PLPPR2: variants seen among roughly 807,000 people sequenced by gnomAD.
PLPPR2 encodes the protein phospholipid phosphatase-related protein type 2.
A neutral mutation model predicts 40.3 loss-of-function variants in PLPPR2; 11 were observed. The ratio of observed to expected loss-of-function variants is 0.27; its 90% CI spans 0.17 to 0.45. The LOEUF (loss-of-function observed/expected upper bound fraction) is 0.45, where lower values mean the gene tolerates loss of function less well. Ranked by LOEUF, PLPPR2 falls within the 20% of genes least tolerant of loss-of-function variation. The pLI is 1.00. For missense variants in PLPPR2, 497 were observed against 640.7 expected, an observed-to-expected ratio of 0.78 and a Z score of 2.42; for synonymous variants, 260 against 290.8, an observed-to-expected ratio of 0.89 and a Z score of 1.08.
chr19:11,358,668 T>G (rs1278948288), intron 3 of PLPPR2, among the ~76,000 whole-genome samples: 1 of 110,708 alleles, frequency 9.0e-6, no homozygotes, highest in Non-Finnish European at 1.8e-5. Flanking sequence ...TCTCTCTCTG[T>G]TTTTTTTTTT....
At chr19:11,360,023 C>T in intron 5 of PLPPR2, 67 bp downstream of exon 5, 1 of 1,505,956 alleles carries the variant, frequency 6.6e-7, no homozygotes, top group Non-Finnish European at 8.9e-7. Context: ...AGAAAAGAGT[C>T]ATGGGCCTGA....
At position 11,362,623 on chromosome 19, in the gene PLPPR2, G is replaced by A; in HGVS notation, c.774G>A (p.Glu258=). The A allele has an allele frequency of 1.2e-6, 2 of 1,613,878 alleles. No homozygotes were observed. Among genetic ancestry groups the A allele is most frequent in the African/African-American group, 1.3e-5 (1 of 75,082 alleles). ...AFLVGVVRVA[E]YRNHWSDVLA... is the part of the protein sequence containing the mutation. ...TGGTGGGCGTGGTCCGCGTGGCCGA[G>A]TACCGAAACCACTGGTCGGACGTGC... Residue 258 remains glutamate, a synonymous_variant, in exon 7 of 10, where the codon GAG becomes GAA. Transcript: ENST00000688289. This position sits in a 1 kb window ranked among gnomAD's most constrained non-coding sequence, Gnocchi z 5.3.
chr19:11,357,336 G>A (rs1259635224), intron 2 of PLPPR2, among the ~76,000 whole-genome samples: 1 of 152,066 alleles, frequency 6.6e-6, no homozygotes, highest in African/African-American at 2.4e-5. Flanking sequence ...CCATGAGGCT[G>A]GGGAGTCTCT....
At position 11,362,380 on chromosome 19, in the gene PLPPR2, T is replaced by A; in HGVS notation, c.664-133T>A. The stretch of plus-strand genomic sequence containing the variant: ...GAAAAGCCCACTGGGAGCCCATGAC[T>A]CCAACCCTGGAGCCCCTGGCCACTC... On this transcript the variant is annotated intron_variant, in intron 6 of 9. Transcript: ENST00000688289. The surrounding 1 kb of genome is among the most constrained non-coding windows in gnomAD (Gnocchi z 5.3). The A allele has an allele frequency of 1.0e-6, 1 of 988,308 alleles. No homozygotes were observed. Among genetic ancestry groups the A allele is most frequent in the Non-Finnish European group, 1.5e-6 (1 of 683,266 alleles). 61.2% of individuals were successfully genotyped at this position (988,308 alleles called of 1,614,324 possible).
rs1158059169 is a variant in PLPPR2 at position 11,363,939 on chromosome 19, G to A, written c.963+104G>A. On this transcript the variant is annotated intron_variant, in intron 8 of 9. Coordinates refer to ENST00000688289, the MANE Select transcript of PLPPR2 (RefSeq NM_001393892.1). This position sits in a 1 kb window ranked among gnomAD's most constrained non-coding sequence, Gnocchi z 4.8. Reference sequence around the variant, plus strand: ...CAAGAGGTGGGGGTCTCAGAACCATGGGGAAGTGGAGGGATCACCCATCTC... The same window carrying A: ...CAAGAGGTGGGGGTCTCAGAACCATAGGGAAGTGGAGGGATCACCCATCTC... The A allele has an allele frequency of 7.0e-7, 1 of 1,438,090 alleles. No individual in the cohort carries two copies. Among genetic ancestry groups the A allele is most frequent in the African/African-American group, 1.4e-5 (1 of 70,506 alleles). The allele number at this position is 1,438,090 out of a possible 1,614,324, so 89.1% of individuals were successfully genotyped here. A position where few individuals can be genotyped will look rare whatever the true frequency, so the allele number is the denominator to read the frequency against.
intron 1 of PLPPR2, among the ~76,000 whole-genome samples, chr19:11,356,111 GT>G (rs1967864823): frequency 6.6e-6 from 1 of 151,950 alleles, no homozygotes; most frequent in Non-Finnish European, 1.5e-5. Flanking sequence ...TGTGGCTGTG[GT>G]CGTGCGCTGT....
chr19:11,359,406 A>C lies in PLPPR2; in HGVS notation c.67-126A>C, dbSNP rs928485933. ...CTCCCCCTTGTCTCTGTCTCTCTCC[A>C]TCTTCTAGTTTCTGTCTCTAACCCA... On this transcript the variant is annotated intron_variant, in intron 3 of 9. Coordinates refer to ENST00000688289, the MANE Select transcript of PLPPR2 (RefSeq NM_001393892.1). The surrounding 1 kb of genome is among the most constrained non-coding windows in gnomAD (Gnocchi z 5.6). 1 of 815,056 alleles carries C rather than the reference A, an allele frequency of 1.2e-6. No individual in the cohort carries two copies. 50.5% of individuals were successfully genotyped at this position (815,056 alleles called of 1,614,324 possible).
rs1478021733 is a variant in PLPPR2, at chr19:11,359,315, TCTC to T, written c.67-214_67-212del. On this transcript the variant is annotated intron_variant, in intron 3 of 9. Transcript: ENST00000688289. The surrounding 1 kb of genome is among the most constrained non-coding windows in gnomAD (Gnocchi z 5.6). ...CACGGCCCCTCTGTTTCTGTCTCCTTCTCCTTCTGTTTCTCCTAAGCCCTGACC... is the reference window on the plus strand; with the variant it reads ...CACGGCCCCTCTGTTTCTGTCTCCTTCTTCTGTTTCTCCTAAGCCCTGACC... 7.9e-5 allele frequency among the ~76,000 whole-genome samples: 12 copies of T among 152,194 alleles called. No individual in the cohort carries two copies. The highest frequency in any genetic ancestry group is 3.4e-3 in the Middle Eastern group (1 of 294).
Position 11,363,023 on chromosome 19 carries a change from G to A in PLPPR2, c.840+334G>A, listed in dbSNP as rs944213748. 2.0e-5 allele frequency among the ~76,000 whole-genome samples: 3 copies of A among 152,138 alleles called. No homozygotes were observed. The highest frequency in any genetic ancestry group is 6.5e-5 in the Admixed American group (1 of 15,270). Reference sequence around the variant, plus strand: ...TAAAGATGAATCAAGGCTGGGTGCGGTGGCTCACGCCTGTAATCCCAGCAC... The same window carrying A: ...TAAAGATGAATCAAGGCTGGGTGCGATGGCTCACGCCTGTAATCCCAGCAC... On this transcript the variant is annotated intron_variant, in intron 7 of 9. Transcript: ENST00000688289. This position sits in a 1 kb window ranked among gnomAD's most constrained non-coding sequence, Gnocchi z 4.8.
Position 11,361,484 on chromosome 19 carries a change from C to T in PLPPR2, c.659C>T (p.Thr220Ile). The T allele has an allele frequency of 1.9e-6, 3 of 1,593,958 alleles. No homozygotes were observed. Among genetic ancestry groups the T allele is most frequent in the Non-Finnish European group, 2.6e-6 (3 of 1,173,938 alleles). Residue 220 changes from threonine (T) to isoleucine (I), a missense_variant, in exon 6 of 10, where the codon ACA (threonine) becomes ATA (isoleucine). Transcript: ENST00000688289. This position sits in a 1 kb window ranked among gnomAD's most constrained non-coding sequence, Gnocchi z 6.3. Reference sequence around the variant, plus strand: ...CTCTGCGCCTACGCGGTCACCTACACAGCGGTGAGCTTCGGGAGCTTCGGG... The same window carrying T: ...CTCTGCGCCTACGCGGTCACCTACATAGCGGTGAGCTTCGGGAGCTTCGGG... ...AALCAYAVTY[T>I]AMYVTLVFRV... is the part of the protein sequence containing the mutation.
At position 11,362,320 on chromosome 19, in the gene PLPPR2, C is replaced by T; in HGVS notation, c.664-193C>T. 2 of 204,774 alleles carry T rather than the reference C, an allele frequency of 9.8e-6. No individual in the cohort carries two copies. Among genetic ancestry groups the T allele is most frequent in the Non-Finnish European group, 9.8e-6 (1 of 102,040 alleles). 12.7% of individuals were successfully genotyped at this position (204,774 alleles called of 1,614,324 possible). On this transcript the variant is annotated intron_variant, in intron 6 of 9. Transcript: ENST00000688289. The surrounding 1 kb of genome is among the most constrained non-coding windows in gnomAD (Gnocchi z 5.3). ...GAGACTCCAAGACCTCAATCCCTGACCCCCCCCCCTTTGCCTTTTTGGTCA... is the reference window on the plus strand; with the variant it reads ...GAGACTCCAAGACCTCAATCCCTGATCCCCCCCCCTTTGCCTTTTTGGTCA...
At position 11,364,324 on chromosome 19, in the gene PLPPR2, G is replaced by GATAT; in HGVS notation, c.1016-22_1016-19dup. 6.6e-7 allele frequency: 1 copy of GATAT among 1,520,164 alleles called. No homozygotes were observed. Among genetic ancestry groups the GATAT allele is most frequent in the Non-Finnish European group, 8.8e-7 (1 of 1,134,060 alleles). The allele number at this position is 1,520,164 out of a possible 1,614,324, so 94.2% of individuals were successfully genotyped here. Reference sequence around the variant, plus strand: ...TGCCTCCCGAGTTTTCTGATCCCCTGATATCTGGCTTCTGACCACCAGAGT... The same window carrying GATAT: ...TGCCTCCCGAGTTTTCTGATCCCCTGATATATATCTGGCTTCTGACCACCAGAGT... On this transcript the variant is annotated intron_variant, in intron 9 of 9. Transcript: ENST00000688289. The surrounding 1 kb of genome is among the most constrained non-coding windows in gnomAD (Gnocchi z 5.8).
chr19:11,361,499 G>A lies in PLPPR2; in HGVS notation c.663+11G>A. ...GTCACCTACACAGCGGTGAGCTTCG[G>A]GAGCTTCGGGGTCGGAAATGGGTGT... On this transcript the variant is annotated intron_variant, in intron 6 of 9. Transcript: ENST00000688289. The surrounding 1 kb of genome is among the most constrained non-coding windows in gnomAD (Gnocchi z 6.3). The A allele has an allele frequency of 6.3e-7, 1 of 1,584,688 alleles. No individual in the cohort carries two copies. Among genetic ancestry groups the A allele is most frequent in the Non-Finnish European group, 8.6e-7 (1 of 1,168,852 alleles).
chr19:11,358,409 C>T (rs1967952752), intron 3 of PLPPR2, among the ~76,000 whole-genome samples: 2 of 152,120 alleles, frequency 1.3e-5, no homozygotes, highest in Non-Finnish European at 1.5e-5. Context: ...AAGCTTGGTA[C>T]GACCCCCTGC....
chr19:11,362,720 G>T lies in PLPPR2; in HGVS notation c.840+31G>T. 3 of 1,595,874 alleles carry T rather than the reference G, an allele frequency of 1.9e-6. No individual in the cohort carries two copies. Among genetic ancestry groups the T allele is most frequent in the Non-Finnish European group, 2.6e-6 (3 of 1,169,510 alleles). On this transcript the variant is annotated intron_variant, in intron 7 of 9. Coordinates refer to ENST00000688289, the MANE Select transcript of PLPPR2 (RefSeq NM_001393892.1). This position sits in a 1 kb window ranked among gnomAD's most constrained non-coding sequence, Gnocchi z 5.3. ...TTGCCTCCTCAACCTTCCCAGCATG[G>T]AAGACCCTCACCAGCTCTCTGACCC...
At position 11,364,352 on chromosome 19, in the gene PLPPR2, C is replaced by G. The variant is rs747544485; in HGVS notation, c.1021C>G (p.Gln341Glu). The G allele has an allele frequency of 1.3e-6, 2 of 1,516,724 alleles. No homozygotes were observed. Among genetic ancestry groups the G allele is most frequent in the Non-Finnish European group, 1.8e-6 (2 of 1,134,210 alleles). The allele number at this position is 1,516,724 out of a possible 1,614,324, so 94.0% of individuals were successfully genotyped here. A position where few individuals can be genotyped will look rare whatever the true frequency, so the allele number is the denominator to read the frequency against. Reference sequence around the variant, plus strand: ...ATCTGGCTTCTGACCACCAGAGTCGCAGAACTGCGCCCGCCGTGGCCACCT... The same window carrying G: ...ATCTGGCTTCTGACCACCAGAGTCGGAGAACTGCGCCCGCCGTGGCCACCT... ...TPARLTPSKSQNCARRGHLIP... is the reference protein window; with the variant it reads ...TPARLTPSKSENCARRGHLIP... The change falls in exon 10 of 10, where the codon CAG becomes GAG. Residue 341 changes from glutamine to glutamate, a missense_variant. Physicochemically the swap from Gln to Glu is conservative, Grantham distance 29. Transcript: ENST00000688289. The surrounding 1 kb of genome is among the most constrained non-coding windows in gnomAD (Gnocchi z 5.8).
chr19:11,361,959 A>G lies in PLPPR2; in HGVS notation c.663+471A>G, dbSNP rs1416986552. Among the ~76,000 whole-genome samples the G allele has an allele frequency of 6.6e-6, 1 of 151,578 alleles. No homozygotes were observed. ...GTTCCCTCCTGTTGTAGCCCTGGCC[A>G]CGCCCCTTGCTCTTAACTGCTCTGG... is the stretch of plus-strand genomic sequence containing the variant. On this transcript the variant is annotated intron_variant, in intron 6 of 9. Coordinates refer to ENST00000688289, the MANE Select transcript of PLPPR2 (RefSeq NM_001393892.1). The surrounding 1 kb of genome is among the most constrained non-coding windows in gnomAD (Gnocchi z 6.3).
chr19:11,363,868 G>A lies in PLPPR2; in HGVS notation c.963+33G>A. The A allele has an allele frequency of 6.2e-7, 1 of 1,603,294 alleles. No individual in the cohort carries two copies. Among genetic ancestry groups the A allele is most frequent in the Non-Finnish European group, 8.5e-7 (1 of 1,174,070 alleles). On this transcript the variant is annotated intron_variant, in intron 8 of 9. Coordinates refer to ENST00000688289, the MANE Select transcript of PLPPR2 (RefSeq NM_001393892.1). The surrounding 1 kb of genome is among the most constrained non-coding windows in gnomAD (Gnocchi z 4.8). Reference sequence around the variant, plus strand: ...GGGCCGGGGGCTGCTCCCGGCTGGAGAGGGTGGTGGGTGGAGGGGGCCAAG... The same window carrying A: ...GGGCCGGGGGCTGCTCCCGGCTGGAAAGGGTGGTGGGTGGAGGGGGCCAAG...
chr19:11,359,509 T>TC lies in PLPPR2; in HGVS notation c.67-19dup. The TC allele has an allele frequency of 6.6e-7, 1 of 1,521,406 alleles. No individual in the cohort carries two copies. The highest frequency in any genetic ancestry group is 8.8e-7 in the Non-Finnish European group (1 of 1,131,014). The allele number at this position is 1,521,406 out of a possible 1,614,324, so 94.2% of individuals were successfully genotyped here. A position where few individuals can be genotyped will look rare whatever the true frequency, so the allele number is the denominator to read the frequency against. On this transcript the variant is annotated intron_variant, in intron 3 of 9. Transcript: ENST00000688289. The surrounding 1 kb of genome is among the most constrained non-coding windows in gnomAD (Gnocchi z 5.6). ...CTCTCTCTTCTCTCTCCGCCACCTC[T>TC]CCCCGCCCTGGCTTGGTGGCAGTCG... is the stretch of plus-strand genomic sequence containing the variant.
Sources: allele counts gnomAD v4.1 joint callset (sites outside exome capture counted in the v4.1 genomes callset), GRCh38; gene constraint gnomAD v4.1.1; non-coding constraint Gnocchi (gnomAD v3.1); transcripts MANE v1.5; gene names NCBI Gene and HGNC (gene_info 2026-07-23, HGNC 2026-07-21).